The following PARD3B variants were observed in gnomAD, a reference collection of about 807,000 sequenced individuals.
PARD3B encodes par-3 family cell polarity regulator beta.
PARD3B carries 103 observed loss-of-function variants against 130.2 expected under a neutral mutation model. That is an observed-to-expected ratio of 0.79 (90% CI 0.67 to 0.93). PARD3B has a LOEUF of 0.93. Among genes scored for constraint, PARD3B ranks in the 40% least tolerant of loss-of-function variants. The pLI is 0.00. For missense variants in PARD3B, 1,609 were observed against 1,499.2 expected (o/e 1.07, Z -1.21); for synonymous variants, 583 against 553.2 (o/e 1.05, Z -0.76).
intron 3 of PARD3B, among the ~76,000 whole-genome samples, chr2:204,973,115 T>G (rs546131491): frequency 6.6e-6 from 1 of 152,212 alleles, no homozygotes; most frequent in South Asian, 2.1e-4. Flanking sequence ...TTGCAGCCAG[T>G]CCCCAGCTCG....
chr2:205,187,030 CAGGT>C lies in PARD3B; in HGVS notation c.2024+1171_2024+1174del, dbSNP rs1372273877. Among the ~76,000 whole-genome samples the C allele has an allele frequency of 6.6e-6, 1 of 152,168 alleles. No individual in the cohort carries two copies. The highest frequency in any genetic ancestry group is 1.9e-4 in the East Asian group (1 of 5,166). Reference sequence around the variant, plus strand: ...TGTCTTCAGGAAGCTGGTAGGCTGACAGGTAGGCTCATGGGACGACTGGAACACA... The same window carrying C: ...TGTCTTCAGGAAGCTGGTAGGCTGACAGGCTCATGGGACGACTGGAACACA... On this transcript the variant is annotated intron_variant, in intron 14 of 22. Transcript: ENST00000406610. This position sits in a 1 kb window ranked among gnomAD's most constrained non-coding sequence, Gnocchi z 4.9.
intron 18 of PARD3B, among the ~76,000 whole-genome samples, chr2:205,398,308 A>AAAAT (rs538666424): frequency 6.6e-6 from 1 of 151,722 alleles, no homozygotes; most frequent in African/African-American, 2.4e-5. Context: ...TCTCAACAAA[A>AAAAT]AAAGAAAGAA....
intron 2 of PARD3B, among the ~76,000 whole-genome samples, chr2:204,842,757 G>T (rs2044304543): frequency 6.6e-6 from 1 of 152,146 alleles, no homozygotes; most frequent in African/African-American, 2.4e-5. Context: ...GACTTCTGAT[G>T]AAGAAAATCG....
chr2:204,899,215 C>T (rs2046759271), intron 2 of PARD3B, among the ~76,000 whole-genome samples: 1 of 118,382 alleles, frequency 8.4e-6, no homozygotes, highest in African/African-American at 3.5e-5. Flanking sequence ...CCCTTCCCTC[C>T]CCTCCTTCCC....
intron 11 of PARD3B, among the ~76,000 whole-genome samples, chr2:205,166,120 A>G (rs16837065): frequency 1.3e-5 from 2 of 152,190 alleles, no homozygotes; most frequent in Admixed American, 1.3e-4. Flanking sequence ...ACAACAGTGT[A>G]TAGTGGACTA....
rs987955201 is a variant in PARD3B, at chr2:205,488,905, A to G, written c.3045-10991A>G. Reference sequence around the variant, plus strand: ...AATGCAGCTGGGATGCAGTATCACTATACTCCAGCCATGTTAGAACAGCTA... The same window carrying G: ...AATGCAGCTGGGATGCAGTATCACTGTACTCCAGCCATGTTAGAACAGCTA... On this transcript the variant is annotated intron_variant, in intron 20 of 22. Coordinates refer to ENST00000406610, the MANE Select transcript of PARD3B (RefSeq NM_001302769.2). Among the ~76,000 whole-genome samples, 48 of 152,320 alleles carry G rather than the reference A, an allele frequency of 3.2e-4. 1 individual carries two copies. The highest frequency in any genetic ancestry group is 8.5e-4 in the Admixed American group (13 of 15,286).
At chr2:205,017,355 G>T (rs1374834964) in intron 3 of PARD3B, among the ~76,000 whole-genome samples, 1 of 152,092 alleles carries the variant, frequency 6.6e-6, no homozygotes, top group East Asian at 1.9e-4. Context: ...TTACATTCCA[G>T]CTCTTGCTTC....
chr2:205,199,493 A>G (rs2036871978), intron 15 of PARD3B, among the ~76,000 whole-genome samples: 1 of 152,014 alleles, frequency 6.6e-6, no homozygotes, highest in Non-Finnish European at 1.5e-5. Flanking sequence ...ACACATATAT[A>G]TACACACGCA....
At chr2:204,574,155 A>T in intron 1 of PARD3B, among the ~76,000 whole-genome samples, 1 of 152,188 alleles carries the variant, frequency 6.6e-6, no homozygotes, top group Non-Finnish European at 1.5e-5. Flanking sequence ...ACAGCTGCCA[A>T]GTTGGAGCTG....
intron 4 of PARD3B, among the ~76,000 whole-genome samples, chr2:205,098,431 G>A (rs764558254): frequency 9.2e-5 from 14 of 152,062 alleles, no homozygotes; most frequent in Admixed American, 5.9e-4. Flanking sequence ...AGACAGGACC[G>A]CTATTTCAGT....
rs147401354 is a variant in PARD3B, at chr2:205,384,482, A to G, written c.2631-16531A>G. Among the ~76,000 whole-genome samples, 66 of 152,220 alleles carry G rather than the reference A, an allele frequency of 4.3e-4. No homozygotes were observed. In the East Asian group the frequency reaches 0.013, roughly 29 times the overall value. On this transcript the variant is annotated intron_variant, in intron 18 of 22. Coordinates refer to ENST00000406610, the MANE Select transcript of PARD3B (RefSeq NM_001302769.2). ...GTCTTTGACTATTTTTGATTCCTAT[A>G]TAATGCTTGGTACTTGTTGATTCAA... is the stretch of plus-strand genomic sequence containing the variant.
At chr2:204,640,173 C>T (rs1194659747) in intron 1 of PARD3B, among the ~76,000 whole-genome samples, 1 of 152,038 alleles carries the variant, frequency 6.6e-6, no homozygotes, top group African/African-American at 2.4e-5. Context: ...AGAATCACCT[C>T]TGTGTCTGGG....
intron 21 of PARD3B, among the ~76,000 whole-genome samples, chr2:205,505,693 C>A (rs984495784): frequency 6.6e-6 from 1 of 152,094 alleles, no homozygotes; most frequent in African/African-American, 2.4e-5. Flanking sequence ...TTAAGATAGT[C>A]CTCTGACAAC....
Position 205,470,306 on chromosome 2 carries a change from A to T in PARD3B, c.3045-29590A>T, listed in dbSNP as rs978120965. Among the ~76,000 whole-genome samples, 11 of 152,120 alleles carry T rather than the reference A, an allele frequency of 7.2e-5. No individual in the cohort carries two copies. The highest frequency in any genetic ancestry group is 2.7e-4 in the African/African-American group (11 of 41,420). On this transcript the variant is annotated intron_variant, in intron 20 of 22. Coordinates refer to ENST00000406610, the MANE Select transcript of PARD3B (RefSeq NM_001302769.2). This position sits in a 1 kb window ranked among gnomAD's most constrained non-coding sequence, Gnocchi z 4.8. ...TCTTCAAAGTAGCTTTCACAATTAA[A>T]TCTTTAATGTCATTATCATTTGTTT...
intron 18 of PARD3B, among the ~76,000 whole-genome samples, chr2:205,389,546 A>G: frequency 6.6e-6 from 1 of 152,024 alleles, no homozygotes; most frequent in East Asian, 1.9e-4. Context: ...TATTTTTAGT[A>G]GAAACAGGGT....
rs2047897892 is a variant in PARD3B at position 205,446,096 on chromosome 2, CAG to C, written c.3044+5427_3044+5428del. Among the ~76,000 whole-genome samples the C allele has an allele frequency of 6.6e-6, 1 of 152,018 alleles. No individual in the cohort carries two copies. The highest frequency in any genetic ancestry group is 2.4e-5 in the African/African-American group (1 of 41,386). ...TGGGGCCAGGCAGCAAGGGTGAAAA[CAG>C]AGGGGAGAGGAAGCATGATGTGTTA... is the stretch of plus-strand genomic sequence containing the variant. On this transcript the variant is annotated intron_variant, in intron 20 of 22. Coordinates refer to ENST00000406610, the MANE Select transcript of PARD3B (RefSeq NM_001302769.2). The surrounding 1 kb of genome is among the most constrained non-coding windows in gnomAD (Gnocchi z 4.4).
chr2:204,719,997 C>T (rs934655197), intron 2 of PARD3B, among the ~76,000 whole-genome samples: 2 of 152,104 alleles, frequency 1.3e-5, no homozygotes, highest in South Asian at 2.1e-4. Flanking sequence ...CTTGAAATTA[C>T]TCCTTTTTTT....
chr2:205,089,184 T>C lies in PARD3B; in HGVS notation c.505-15242T>C, dbSNP rs142887309. Among the ~76,000 whole-genome samples, 651 of 151,476 alleles carry C rather than the reference T, an allele frequency of 4.3e-3. 4 individuals are homozygous for C. The highest frequency in any genetic ancestry group is 0.015 in the African/African-American group (598 of 41,216). Reference sequence around the variant, plus strand: ...CTTTTTTTCTTTTTTTGTTTGTTTGTTTGGAGATGAAGTCTCGCTCTTGTC... The same window carrying C: ...CTTTTTTTCTTTTTTTGTTTGTTTGCTTGGAGATGAAGTCTCGCTCTTGTC... On this transcript the variant is annotated intron_variant, in intron 4 of 22. Coordinates refer to ENST00000406610, the MANE Select transcript of PARD3B (RefSeq NM_001302769.2).
At chr2:205,119,302 C>T (rs926048392) in intron 7 of PARD3B, among the ~76,000 whole-genome samples, 9 of 152,062 alleles carry the variant, frequency 5.9e-5, no homozygotes, top group Admixed American at 3.3e-4. Context: ...ACTGGGGCGT[C>T]GTTGAACGGG....
Sources: gnomAD v4.1 joint callset for allele counts (sites outside exome capture counted in the v4.1 genomes callset) on GRCh38, gnomAD v4.1.1 for gene constraint, Gnocchi (gnomAD v3.1) non-coding constraint, MANE v1.5 for transcripts, NCBI Gene and HGNC (gene_info 2026-07-23, HGNC 2026-07-21) for gene names.